The following TBC1D9 variants were observed in gnomAD, a reference collection of about 807,000 sequenced individuals.
The protein encoded by TBC1D9 is TBC1 domain family member 9A.
A neutral mutation model predicts 132.0 loss-of-function variants in TBC1D9; 63 were observed. The ratio of observed to expected loss-of-function variants is 0.48; its 90% confidence interval spans 0.39 to 0.59. TBC1D9 has a LOEUF of 0.59. Ranked by LOEUF, TBC1D9 falls within the 20% of genes least tolerant of loss-of-function variation. The probability of loss-of-function intolerance (pLI) is 0.00; values close to 1 mark genes in which losing one functional copy is unlikely to be tolerated. For synonymous variants in TBC1D9, 610 were observed against 609.9 expected (o/e 1.00, Z 0.00); for missense variants, 1,261 against 1,592.7 (o/e 0.79, Z 3.54).
At chr4:140,630,203 G>C (rs1420065154) in intron 16 of TBC1D9, among the ~76,000 whole-genome samples, 2 of 152,018 alleles carry the variant, frequency 1.3e-5, no homozygotes, top group Non-Finnish European at 2.9e-5. Flanking sequence ...CAGTGAAACA[G>C]CAAAAGAACC....
chr4:140,665,849 A>C (rs935187146), intron 9 of TBC1D9, among the ~76,000 whole-genome samples: 1 of 151,958 alleles, frequency 6.6e-6, no homozygotes, highest in Non-Finnish European at 1.5e-5. Context: ...GCTAGTTAAA[A>C]AAAAAATTTT....
intron 1 of TBC1D9, among the ~76,000 whole-genome samples, chr4:140,736,419 T>A (rs1738675263): frequency 6.6e-6 from 1 of 152,124 alleles, no homozygotes; most frequent in African/African-American, 2.4e-5. Context: ...TACGTGCCTA[T>A]AATCCCAGCT....
intron 1 of TBC1D9, among the ~76,000 whole-genome samples, chr4:140,740,633 C>G (rs1738744493): frequency 6.6e-6 from 1 of 152,194 alleles, no homozygotes; most frequent in African/African-American, 2.4e-5. Flanking sequence ...CATGCCTTCC[C>G]CTGCTTTAAG....
At chr4:140,646,873 A>T (rs1737110817) in intron 13 of TBC1D9, among the ~76,000 whole-genome samples, 1 of 152,246 alleles carries the variant, frequency 6.6e-6, no homozygotes, top group South Asian at 2.1e-4. Context: ...AACAATGAAG[A>T]TGCAATATTT....
chr4:140,628,444 C>G, intron 16 of TBC1D9, 79 bp from the exon 17 acceptor site: 1 of 1,290,290 alleles, frequency 7.8e-7, no homozygotes, highest in South Asian at 1.2e-5. Flanking sequence ...TCTAAAAAGT[C>G]TACTTCATAC....
At chr4:140,672,513 G>A (rs1284807641) in intron 6 of TBC1D9, among the ~76,000 whole-genome samples, 1 of 152,094 alleles carries the variant, frequency 6.6e-6, no homozygotes, top group Non-Finnish European at 1.5e-5. Context: ...AATGGAAAAT[G>A]CCAAGGAGAT....
chr4:140,736,942 T>C (rs1044617678), intron 1 of TBC1D9, among the ~76,000 whole-genome samples: 2 of 152,164 alleles, frequency 1.3e-5, no homozygotes, highest in African/African-American at 2.4e-5. Context: ...TTATCAGCAG[T>C]CTCCAATCTT....
rs200136861 is a variant in TBC1D9 at position 140,697,381 on chromosome 4, C to CA, written c.241+4122dup. ...TAGGCGACAGAGTAAGACATTGTCT[C>CA]AAAAAAAAATACAAAATGCAACAAA... On this transcript the variant is annotated intron_variant, in intron 2 of 20. Transcript: ENST00000442267. Among the ~76,000 whole-genome samples the CA allele has an allele frequency of 3.0e-3, 446 of 150,274 alleles. 3 individuals are homozygous for CA. Among genetic ancestry groups the CA allele is most frequent in the African/African-American group, 9.2e-3 (375 of 40,948 alleles).
intron 1 of TBC1D9, among the ~76,000 whole-genome samples, chr4:140,734,058 C>T (rs1018365977): frequency 6.6e-6 from 1 of 152,088 alleles, no homozygotes; most frequent in Non-Finnish European, 1.5e-5. Context: ...GAGCTGATGG[C>T]CACTTTGTAG....
chr4:140,745,654 G>A (rs1738826030), intron 1 of TBC1D9, among the ~76,000 whole-genome samples: 2 of 152,096 alleles, frequency 1.3e-5, no homozygotes, highest in Admixed American at 1.3e-4. Context: ...CAAAAAATAT[G>A]TGTAATCAAC....
intron 20 of TBC1D9, 65 bp downstream of exon 20, chr4:140,624,051 C>G: frequency 1.5e-6 from 2 of 1,336,484 alleles, no homozygotes; most frequent in Non-Finnish European, 2.1e-6. Flanking sequence ...TTATCGATGA[C>G]TTTTCAGTCA....
chr4:140,639,119 A>G lies in TBC1D9; in HGVS notation c.2472T>C (p.Ile824=), dbSNP rs775793299. ...RTIVTETSFT[I]DELEELYALF... ...GAGCATAAAGTTCTTCCAGCTCATC[A>G]ATGGTAAAGGAAGTTTCTGTCACAA... Residue 824 remains isoleucine, a synonymous_variant, in exon 15 of 21, where the codon ATT becomes ATC. Coordinates refer to ENST00000442267, the MANE Select transcript of TBC1D9 (RefSeq NM_015130.3). 16 of 1,590,254 alleles carry G rather than the reference A, an allele frequency of 1.0e-5. No homozygotes were observed. Among genetic ancestry groups the G allele is most frequent in the East Asian group, 2.3e-5 (1 of 44,350 alleles).
intron 1 of TBC1D9, among the ~76,000 whole-genome samples, chr4:140,745,723 G>C (rs933899867): frequency 1.3e-5 from 2 of 151,988 alleles, no homozygotes; most frequent in Non-Finnish European, 2.9e-5. Flanking sequence ...TTAAGTTTTG[G>C]GGGAGTCAAA....
intron 1 of TBC1D9, among the ~76,000 whole-genome samples, chr4:140,719,210 T>C (rs1163103755): frequency 1.3e-5 from 2 of 152,150 alleles, no homozygotes; most frequent in African/African-American, 2.4e-5. Flanking sequence ...GCTGTGTGGC[T>C]TCAGACAAGT....
intron 1 of TBC1D9, among the ~76,000 whole-genome samples, chr4:140,724,868 T>A (rs1214103477): frequency 6.6e-6 from 1 of 152,196 alleles, no homozygotes; most frequent in African/African-American, 2.4e-5. Flanking sequence ...AAATATCATT[T>A]TCACTTGTCA....
At chr4:140,702,423 G>A (rs1738086754) in intron 1 of TBC1D9, among the ~76,000 whole-genome samples, 1 of 152,230 alleles carries the variant, frequency 6.6e-6, no homozygotes, top group Non-Finnish European at 1.5e-5. Context: ...AATTGACAAG[G>A]AAAAGGAAAT....
intron 9 of TBC1D9, 53 bp downstream of exon 9, chr4:140,668,864 G>C: frequency 6.3e-7 from 1 of 1,596,056 alleles, no homozygotes; most frequent in African/African-American, 1.3e-5. Flanking sequence ...GGGAGGCCCT[G>C]GTGTGGAGTC....
intron 17 of TBC1D9, 60 bp from the exon 18 acceptor site, chr4:140,627,587 G>A (rs1578812667): frequency 1.9e-6 from 2 of 1,064,302 alleles, no homozygotes; most frequent in East Asian, 5.0e-5. Context: ...GTGAAAGTAT[G>A]CTTAATTATT....
At chr4:140,671,423 T>C (rs1737533935) in intron 6 of TBC1D9, among the ~76,000 whole-genome samples, 1 of 152,184 alleles carries the variant, frequency 6.6e-6, no homozygotes, top group South Asian at 2.1e-4. Flanking sequence ...TTCATGGAGC[T>C]ATAAGAGAGA....
Sources: gnomAD v4.1 joint callset for allele counts (sites outside exome capture counted in the v4.1 genomes callset) on GRCh38, gnomAD v4.1.1 for gene constraint, MANE v1.5 for transcripts, NCBI Gene and HGNC (gene_info 2026-07-23, HGNC 2026-07-21) for gene names.